Variants in ZPBP observed in about 807,000 individuals in gnomAD.
ZPBP encodes zona pellucida binding protein.
ZPBP carries 26 observed loss-of-function variants against 44.8 expected under a neutral mutation model. The observed-to-expected ratio is 0.58, with a 90% CI of 0.43 to 0.81. The LOEUF (loss-of-function observed/expected upper bound fraction) is 0.81, where lower values mean the gene tolerates loss of function less well. ZPBP is among the 30% of genes least tolerant of loss of function. The pLI is 0.00. For synonymous variants in ZPBP, 174 were observed against 153.2 expected (o/e 1.14, Z -1.00); for missense variants, 409 against 434.0 (o/e 0.94, Z 0.51).
chr7:50,066,808 A>G (rs889461528), intron 3 of ZPBP, among the ~76,000 whole-genome samples: 7 of 152,208 alleles, frequency 4.6e-5, no homozygotes, highest in African/African-American at 1.7e-4. Context: ...TAGACTGACC[A>G]GCCTCCAGTG....
chr7:49,895,506 C>T (rs1022724286), intron 2 of ZPBP, among the ~76,000 whole-genome samples: 4 of 152,146 alleles, frequency 2.6e-5, no homozygotes, highest in African/African-American at 9.7e-5. Flanking sequence ...CAAATGATCA[C>T]AGAAAAAATC....
chr7:49,860,143 T>TC (rs1165514981), intron 2 of ZPBP, among the ~76,000 whole-genome samples: 1 of 152,204 alleles, frequency 6.6e-6, no homozygotes, highest in Non-Finnish European at 1.5e-5. Flanking sequence ...TTTTTAAGTG[T>TC]TCAATCCAGT....
At chr7:49,939,226 C>T (rs1794753612) in intron 7 of ZPBP, among the ~76,000 whole-genome samples, 1 of 152,138 alleles carries the variant, frequency 6.6e-6, no homozygotes, top group Admixed American at 6.6e-5. Flanking sequence ...AATCATTACA[C>T]ATGCAGAAGA....
chr7:49,956,731 T>C (rs1211608407), intron 7 of ZPBP, among the ~76,000 whole-genome samples: 3 of 152,172 alleles, frequency 2.0e-5, no homozygotes, highest in Non-Finnish European at 2.9e-5. Context: ...TATATTGAGC[T>C]ATAAGTTTAA....
At chr7:49,917,677 C>A (rs1351055291) in intron 1 of ZPBP, 1 of 151,958 alleles carries the variant, frequency 6.6e-6, no homozygotes, top group Non-Finnish European at 1.5e-5. Context: ...AAATATTTCT[C>A]AATTTTATTT....
chr7:49,887,758 C>T (rs1384637), intron 2 of ZPBP, among the ~76,000 whole-genome samples: 111,803 of 152,042 alleles, frequency 0.74, 41,310 homozygotes, highest in East Asian at 0.88. Flanking sequence ...TACAACACCA[C>T]ACCAACCCAT....
At chr7:50,072,736 G>T (rs1276264003) in intron 3 of ZPBP, among the ~76,000 whole-genome samples, 1 of 152,222 alleles carries the variant, frequency 6.6e-6, no homozygotes, top group African/African-American at 2.4e-5. Flanking sequence ...GACCATCAAG[G>T]TAATACCTCT....
chr7:50,063,866 G>C (rs1039949212), intron 3 of ZPBP, among the ~76,000 whole-genome samples: 12 of 152,022 alleles, frequency 7.9e-5, no homozygotes, highest in Non-Finnish European at 1.3e-4. Context: ...ATGTTTCATT[G>C]GTTATAATTT....
rs545750698 is a variant in ZPBP, at chr7:49,976,376, T to C, written c.961+6966A>G. Among the ~76,000 whole-genome samples, 37 of 152,290 alleles carry C rather than the reference T, an allele frequency of 2.4e-4. 1 individual carries two copies. In the South Asian group the frequency reaches 7.5e-3, roughly 31 times the overall value. ...CAATTCTCTCATATGTTATGTCTAA[T>C]GGTGTTTTGATTTTCCATCATGTAT... On this transcript the variant is annotated intron_variant, in intron 7 of 7. Coordinates refer to ENST00000046087, the MANE Select transcript of ZPBP (RefSeq NM_007009.3).
chr7:50,017,364 G>T (rs537511958), intron 6 of ZPBP, among the ~76,000 whole-genome samples: 11 of 152,222 alleles, frequency 7.2e-5, no homozygotes, highest in African/African-American at 2.6e-4. Context: ...CAGATCTCAG[G>T]TGGTAATACA....
chr7:50,072,768 C>G (rs1440645063), intron 3 of ZPBP, among the ~76,000 whole-genome samples: 1 of 152,238 alleles, frequency 6.6e-6, no homozygotes, highest in Admixed American at 6.5e-5. Flanking sequence ...AGAACCAAAG[C>G]ATTACTGAGC....
intron 2 of ZPBP, among the ~76,000 whole-genome samples, chr7:49,892,326 G>A (rs536287493): frequency 4.6e-5 from 7 of 152,098 alleles, no homozygotes; most frequent in Non-Finnish European, 8.8e-5. Flanking sequence ...GATTACAAGC[G>A]TGAGCCACCG....
intron 4 of ZPBP, among the ~76,000 whole-genome samples, chr7:50,049,247 T>C (rs1305751211): frequency 1.3e-5 from 2 of 151,968 alleles, no homozygotes; most frequent in East Asian, 1.9e-4. Flanking sequence ...AGTTAAGATA[T>C]ATTAGCAACA....
downstream of ZPBP, among the ~76,000 whole-genome samples, chr7:49,846,441 A>G (rs1789948827): frequency 6.6e-6 from 1 of 152,168 alleles, no homozygotes; most frequent in Non-Finnish European, 1.5e-5. Context: ...GCAGAACAAC[A>G]TAAAGTTCTC....
At chr7:49,960,509 T>C (rs898058968) in intron 7 of ZPBP, among the ~76,000 whole-genome samples, 1 of 151,818 alleles carries the variant, frequency 6.6e-6, no homozygotes, top group Non-Finnish European at 1.5e-5. Context: ...ACATAAACTA[T>C]AGAATAGAAT....
intron 7 of ZPBP, among the ~76,000 whole-genome samples, chr7:49,959,064 T>C (rs1342993645): frequency 6.6e-6 from 1 of 152,132 alleles, no homozygotes; most frequent in Admixed American, 6.5e-5. Context: ...ACTGTACTAA[T>C]ACAATAAGTG....
chr7:50,048,692 A>T (rs549908240), intron 4 of ZPBP, among the ~76,000 whole-genome samples: 2 of 152,176 alleles, frequency 1.3e-5, no homozygotes, highest in South Asian at 4.1e-4. Flanking sequence ...GACAGCACGT[A>T]GAGGGAAATA....
chr7:49,920,803 T>C (rs1793984531), intron 1 of ZPBP: 1 of 152,200 alleles, frequency 6.6e-6, no homozygotes, highest in African/African-American at 2.4e-5. Flanking sequence ...TCATTTTAAA[T>C]AACATCATTT....
At chr7:50,008,009 C>T (rs1170280215) in intron 6 of ZPBP, among the ~76,000 whole-genome samples, 4 of 151,788 alleles carry the variant, frequency 2.6e-5, no homozygotes, top group African/African-American at 7.3e-5. Flanking sequence ...AGCACCAGTA[C>T]TCCTAGGAAC....
Sources: gnomAD v4.1 joint callset for allele counts (sites outside exome capture counted in the v4.1 genomes callset) on GRCh38, gnomAD v4.1.1 for gene constraint, MANE v1.5 for transcripts, NCBI Gene and HGNC (gene_info 2026-07-23, HGNC 2026-07-21) for gene names.